PDE1C: variants seen among roughly 807,000 people sequenced by gnomAD.
PDE1C encodes phosphodiesterase 1C.
PDE1C carries 62 observed loss-of-function variants against 93.1 expected under a neutral mutation model. The observed-to-expected ratio is 0.67, with a 90% CI of 0.54 to 0.82. PDE1C has a LOEUF of 0.82. Among genes scored for constraint, PDE1C ranks in the 40% least tolerant of loss-of-function variants. PDE1C has a pLI of 0.00. For synonymous variants in PDE1C, 325 were observed against 310.1 expected (o/e 1.05, Z -0.50); for missense variants, 742 against 884.6 (o/e 0.84, Z 2.04).
chr7:32,197,514 A>C (rs1470392068), intron 2 of PDE1C, among the ~76,000 whole-genome samples: 1 of 152,210 alleles, frequency 6.6e-6, no homozygotes, highest in Non-Finnish European at 1.5e-5. Context: ...CCATAGCAAC[A>C]TTATTCACAA....
chr7:32,076,142 A>C (rs1233056973), upstream of PDE1C, among the ~76,000 whole-genome samples: 1 of 152,118 alleles, frequency 6.6e-6, no homozygotes, highest in Non-Finnish European at 1.5e-5. Flanking sequence ...TCCAACCAGA[A>C]CCATGGACCC....
intron 1 of PDE1C, among the ~76,000 whole-genome samples, chr7:32,212,777 C>T (rs1012707992): frequency 6.6e-6 from 1 of 152,184 alleles, no homozygotes; most frequent in African/African-American, 2.4e-5. Context: ...TCACACCCCA[C>T]CTTCTCCATC....
At chr7:31,952,267 T>G (rs1487239455) in intron 2 of PDE1C, among the ~76,000 whole-genome samples, 2 of 152,068 alleles carry the variant, frequency 1.3e-5, no homozygotes, top group Non-Finnish European at 2.9e-5. Flanking sequence ...TTTTTTTCCT[T>G]TTGACAGAGT....
At chr7:32,184,372 T>A (rs2128815016) in intron 2 of PDE1C, among the ~76,000 whole-genome samples, 1 of 152,366 alleles carries the variant, frequency 6.6e-6, no homozygotes, top group South Asian at 2.1e-4. Flanking sequence ...GCATCACTAT[T>A]CACAATAGCA....
the PDE1C span, among the ~76,000 whole-genome samples, chr7:31,705,392 C>G: frequency 6.6e-6 from 1 of 152,174 alleles, no homozygotes; most frequent in East Asian, 1.9e-4. Flanking sequence ...ATAGCTAACT[C>G]TATGTTCTCC....
At chr7:31,985,693 T>C (rs562638789) in intron 2 of PDE1C, among the ~76,000 whole-genome samples, 9 of 152,242 alleles carry the variant, frequency 5.9e-5, no homozygotes, top group African/African-American at 1.9e-4. Flanking sequence ...GTCCTTGTGA[T>C]AGTTTGCCGA....
At chr7:31,851,265 T>A (rs1758380313) in intron 7 of PDE1C, among the ~76,000 whole-genome samples, 1 of 152,192 alleles carries the variant, frequency 6.6e-6, no homozygotes, top group Non-Finnish European at 1.5e-5. Context: ...CTTCTCCCCA[T>A]CCACACCATC....
the PDE1C span, among the ~76,000 whole-genome samples, chr7:31,718,955 G>A: frequency 6.6e-6 from 1 of 152,140 alleles, no homozygotes; most frequent in Non-Finnish European, 1.5e-5. Context: ...ATACCAAGCA[G>A]ACCCTCAGTT....
chr7:31,824,918 G>T lies in PDE1C; in HGVS notation c.1355C>A (p.Pro452Gln). The T allele has an allele frequency of 6.2e-7, 1 of 1,613,340 alleles. No individual in the cohort carries two copies. The change falls in exon 13 of 18, where the codon CCA becomes CAA. Residue 452 changes from proline to glutamine, a missense_variant. Coordinates refer to ENST00000396191, the MANE Select transcript of PDE1C (RefSeq NM_001191057.4). ...AGTTTGAGAGGTTTCATCGATTAATGGACTCACAATCTTCTCGGTCATGTC... is the reference window on the plus strand; with the variant it reads ...AGTTTGAGAGGTTTCATCGATTAATTGACTCACAATCTTCTCGGTCATGTC... ...LTDMTEKIVS[P>Q]LIDETSQTGG... is the part of the protein sequence containing the mutation.
intron 15 of PDE1C, among the ~76,000 whole-genome samples, chr7:31,814,681 C>G (rs920278086): frequency 6.7e-6 from 1 of 148,866 alleles, no homozygotes; most frequent in African/African-American, 2.5e-5. Context: ...TGAATATGTA[C>G]AAAGAGAACT....
At chr7:32,185,247 G>GA (rs60570476) in intron 2 of PDE1C, among the ~76,000 whole-genome samples, 10,703 of 101,430 alleles carry the variant, frequency 0.11, 642 homozygotes, top group Non-Finnish European at 0.16. Context: ...CTCTGTCTCA[G>GA]AAAAAAAAAA....
At chr7:32,295,816 C>T (rs886647185) in intron 1 of PDE1C, among the ~76,000 whole-genome samples, 2 of 146,422 alleles carry the variant, frequency 1.4e-5, no homozygotes, top group African/African-American at 2.5e-5. Context: ...ATGGTGTGAA[C>T]GCGGGAGGCG....
intron 2 of PDE1C, among the ~76,000 whole-genome samples, chr7:31,901,575 A>C (rs1214964315): frequency 2.6e-5 from 4 of 151,206 alleles, no homozygotes. Context: ...TTAAATTCTA[A>C]ACTATGGATT....
intron 2 of PDE1C, among the ~76,000 whole-genome samples, chr7:31,915,573 T>C (rs1801783676): frequency 6.6e-6 from 1 of 152,196 alleles, no homozygotes; most frequent in African/African-American, 2.4e-5. Flanking sequence ...CAGAGAATTT[T>C]TATCTGGGTT....
intron 3 of PDE1C, among the ~76,000 whole-genome samples, chr7:32,109,974 G>A (rs1441767313): frequency 1.3e-5 from 2 of 152,110 alleles, no homozygotes; most frequent in African/African-American, 2.4e-5. Context: ...ATGGACTTGG[G>A]ATGTTCAACT....
intron 2 of PDE1C, among the ~76,000 whole-genome samples, chr7:31,961,884 A>G (rs1809047342): frequency 6.6e-6 from 1 of 152,202 alleles, no homozygotes; most frequent in Non-Finnish European, 1.5e-5. Flanking sequence ...GATTGAACAG[A>G]GGAAAGTTGT....
At chr7:31,968,853 C>G (rs942881222) in intron 2 of PDE1C, among the ~76,000 whole-genome samples, 2 of 152,126 alleles carry the variant, frequency 1.3e-5, no homozygotes, top group African/African-American at 4.8e-5. Flanking sequence ...TGATCTTTGA[C>G]AAACCTGACA....
chr7:32,309,458 A>G (rs1352500931), intron 1 of PDE1C, among the ~76,000 whole-genome samples: 2 of 152,196 alleles, frequency 1.3e-5, no homozygotes, highest in Non-Finnish European at 2.9e-5. Flanking sequence ...CAGATTCACC[A>G]AAGTTGAAAT....
At chr7:32,332,524 C>T (rs1783537114) in intron 1 of PDE1C, among the ~76,000 whole-genome samples, 1 of 151,894 alleles carries the variant, frequency 6.6e-6, no homozygotes, top group Non-Finnish European at 1.5e-5. Context: ...CCCAGCCATT[C>T]CACTCCTAGG....
Sources: allele counts gnomAD v4.1 joint callset (sites outside exome capture counted in the v4.1 genomes callset), GRCh38; gene constraint gnomAD v4.1.1; transcripts MANE v1.5; gene names NCBI Gene and HGNC (gene_info 2026-07-23, HGNC 2026-07-21).